Variants in NSMCE2 observed in about 807,000 individuals in gnomAD.
The protein encoded by NSMCE2 is NSE2 SUMO ligase component of SMC5/6 complex, also known as E3 SUMO-protein ligase NSE2.
In NSMCE2, 24 loss-of-function variants were observed where a neutral mutation model predicts 23.8. That is an observed-to-expected ratio of 1.01 (90% CI 0.73 to 1.42). NSMCE2 has a LOEUF of 1.42. NSMCE2 is among the 40% of genes most tolerant of loss of function. The pLI is 0.00. For missense variants in NSMCE2, 284 were observed against 296.5 expected (o/e 0.96, Z 0.31); for synonymous variants, 92 against 94.1 (o/e 0.98, Z 0.13).
At chr8:125,280,016 C>G (rs2131122461) in intron 5 of NSMCE2, among the ~76,000 whole-genome samples, 1 of 152,238 alleles carries the variant, frequency 6.6e-6, no homozygotes, top group Admixed American at 6.5e-5. Context: ...ACTATAAATT[C>G]CTCGAGGGCA....
intron 3 of NSMCE2, among the ~76,000 whole-genome samples, chr8:125,115,629 T>G: frequency 6.6e-6 from 1 of 152,142 alleles, no homozygotes; most frequent in Non-Finnish European, 1.5e-5. Flanking sequence ...CAGATGTGTG[T>G]AATCCCAGCT....
At chr8:125,134,184 T>G (rs926376869) in intron 3 of NSMCE2, among the ~76,000 whole-genome samples, 1 of 152,232 alleles carries the variant, frequency 6.6e-6, no homozygotes, top group African/African-American at 2.4e-5. Context: ...TATTGATGAA[T>G]GTTTTCATAC....
At chr8:125,346,851 A>G (rs997779165) in intron 5 of NSMCE2, among the ~76,000 whole-genome samples, 1 of 152,228 alleles carries the variant, frequency 6.6e-6, no homozygotes, top group Admixed American at 6.5e-5. Flanking sequence ...TAATAACATG[A>G]TGTCAGCTGA....
At chr8:125,181,823 G>T (rs1429437236) in intron 4 of NSMCE2, among the ~76,000 whole-genome samples, 2 of 152,148 alleles carry the variant, frequency 1.3e-5, no homozygotes. Flanking sequence ...GATTTTCCCT[G>T]GCAGTTATCA....
At chr8:125,271,930 G>A (rs1308609877) in intron 5 of NSMCE2, among the ~76,000 whole-genome samples, 1 of 152,000 alleles carries the variant, frequency 6.6e-6, no homozygotes. Flanking sequence ...TTTTTCAGGT[G>A]GGAAAACCCA....
At chr8:125,175,756 G>A (rs1363535972) in intron 4 of NSMCE2, among the ~76,000 whole-genome samples, 1 of 152,080 alleles carries the variant, frequency 6.6e-6, no homozygotes, top group African/African-American at 2.4e-5. Flanking sequence ...TTTGCCCCGT[G>A]GCAATAAAAT....
chr8:125,170,391 T>A (rs1822130780), intron 4 of NSMCE2, among the ~76,000 whole-genome samples: 10 of 90,250 alleles, frequency 1.1e-4, no homozygotes, highest in African/African-American at 5.1e-4. Context: ...TTTTTTTTTT[T>A]TTTTTTTTTT....
At chr8:125,316,755 C>CCTTCCTTCCTTCCTTCCTTCCTTA in intron 5 of NSMCE2, among the ~76,000 whole-genome samples, 6 of 143,060 alleles carry the variant, frequency 4.2e-5, no homozygotes, top group African/African-American at 1.6e-4. Context: ...TTCCTTCCTT[C>CCTTCCTTCCTTCCTTCCTTCCTTA]CTTCCTTCCT....
At position 125,357,768 on chromosome 8, in the gene NSMCE2, C is replaced by T. The variant is rs115376097; in HGVS notation, c.576C>T (p.Asp192=). ...NKVCGHTYEE[D]AIVRMIESRQ... Reference sequence around the variant, plus strand: ...TGTGTGGCCACACCTATGAAGAGGACGCCATTGTTCGCATGATTGAGTCCA... The same window carrying T: ...TGTGTGGCCACACCTATGAAGAGGATGCCATTGTTCGCATGATTGAGTCCA... Residue 192 remains aspartate, a synonymous_variant, in exon 7 of 8, where the codon GAC becomes GAT. Transcript: ENST00000287437. 687 of 1,614,070 alleles carry T rather than the reference C, an allele frequency of 4.3e-4. 5 individuals carry two copies. In the African/African-American group the frequency reaches 6.0e-3, roughly 14 times the overall value.
intron 1 of NSMCE2, chr8:125,094,518 G>C (rs1437241431): frequency 2.6e-5 from 4 of 152,160 alleles, no homozygotes; most frequent in African/African-American, 9.7e-5. Flanking sequence ...CAAAAGTGAA[G>C]TTTCACTAAA....
At chr8:125,098,140 C>T (rs1467912190) in intron 1 of NSMCE2, among the ~76,000 whole-genome samples, 1 of 152,088 alleles carries the variant, frequency 6.6e-6, no homozygotes, top group East Asian at 1.9e-4. Context: ...AGGTCCCTTC[C>T]CAGACATACT....
chr8:125,159,931 G>A (rs1466140888), intron 4 of NSMCE2, among the ~76,000 whole-genome samples: 3 of 151,090 alleles, frequency 2.0e-5, no homozygotes, highest in Non-Finnish European at 4.4e-5. Flanking sequence ...CTGCACTCCA[G>A]TCTGGGTGAC....
intron 5 of NSMCE2, among the ~76,000 whole-genome samples, chr8:125,264,677 C>T (rs562060272): frequency 6.6e-6 from 1 of 152,234 alleles, no homozygotes; most frequent in Non-Finnish European, 1.5e-5. Flanking sequence ...GAAGCTACTT[C>T]AGAACCGTGT....
At chr8:125,181,977 C>A (rs982503542) in intron 4 of NSMCE2, 126 bp from the exon 5 acceptor site, 10 of 738,998 alleles carry the variant, frequency 1.4e-5, no homozygotes, top group Middle Eastern at 4.0e-4. Flanking sequence ...GTGCTTTGTT[C>A]AAGAGATTGT....
chr8:125,185,203 A>C (rs1298636059), intron 5 of NSMCE2, among the ~76,000 whole-genome samples: 1 of 152,210 alleles, frequency 6.6e-6, no homozygotes, highest in East Asian at 1.9e-4. Context: ...GGGCAGGCCT[A>C]GGTACACTCT....
At chr8:125,126,353 A>G (rs1469079808) in intron 3 of NSMCE2, among the ~76,000 whole-genome samples, 3 of 149,988 alleles carry the variant, frequency 2.0e-5, no homozygotes, top group Non-Finnish European at 1.5e-5. Context: ...CCTGGGTGAC[A>G]GTGTGAGACT....
At chr8:125,158,756 G>C (rs1164951885) in intron 4 of NSMCE2, among the ~76,000 whole-genome samples, 1 of 152,192 alleles carries the variant, frequency 6.6e-6, no homozygotes, top group Non-Finnish European at 1.5e-5. Context: ...GTATTAAAAA[G>C]CTTGAGGTTT....
chr8:125,272,812 CG>C (rs1827277555), intron 5 of NSMCE2, among the ~76,000 whole-genome samples: 1 of 130,326 alleles, frequency 7.7e-6, no homozygotes, highest in Non-Finnish European at 1.6e-5. Flanking sequence ...TATACACACA[CG>C]TATATATATA....
intron 7 of NSMCE2, among the ~76,000 whole-genome samples, chr8:125,366,463 C>T (rs576780984): frequency 1.3e-5 from 2 of 152,200 alleles, no homozygotes; most frequent in South Asian, 4.2e-4. Flanking sequence ...TGGTGTGAAC[C>T]CGGGAGGCGG....
Sources: allele counts gnomAD v4.1 joint callset (sites outside exome capture counted in the v4.1 genomes callset), GRCh38; gene constraint gnomAD v4.1.1; transcripts MANE v1.5; gene names NCBI Gene and HGNC (gene_info 2026-07-23, HGNC 2026-07-21).